Variants in TMEM17 observed in about 807,000 individuals in gnomAD.
TMEM17 encodes transmembrane protein 17.
A neutral mutation model predicts 19.1 loss-of-function variants in TMEM17; 15 were observed. That is an observed-to-expected ratio of 0.78 (90% CI 0.52 to 1.21). The LOEUF (loss-of-function observed/expected upper bound fraction) is 1.21, where lower values mean the gene tolerates loss of function less well. TMEM17 is among the 50% of genes most tolerant of loss of function. The pLI is 0.00. For missense variants in TMEM17, 245 were observed against 242.3 expected (o/e 1.01, Z -0.07); for synonymous variants, 103 against 86.9 (o/e 1.19, Z -1.03).
At chr2:62,462,065 G>C in the TMEM17 span, among the ~76,000 whole-genome samples, 1 of 152,206 alleles carries the variant, frequency 6.6e-6, no homozygotes, top group Non-Finnish European at 1.5e-5. Context: ...CTGTTTCTCA[G>C]TGTTTTCAGC....
chr2:62,469,658 C>A, the TMEM17 span, among the ~76,000 whole-genome samples: 2 of 152,218 alleles, frequency 1.3e-5, no homozygotes, highest in Admixed American at 6.5e-5. Context: ...TGAAGACTAT[C>A]TGGCTGTTCT....
At chr2:62,485,964 C>T in the TMEM17 span, among the ~76,000 whole-genome samples, 2 of 152,034 alleles carry the variant, frequency 1.3e-5, no homozygotes, top group Non-Finnish European at 2.9e-5. Context: ...AAAAACTGTG[C>T]TTTTTTTTCC....
chr2:62,503,148 A>G (rs1342649397), intron 1 of TMEM17, among the ~76,000 whole-genome samples: 2 of 152,258 alleles, frequency 1.3e-5, no homozygotes, highest in Non-Finnish European at 2.9e-5. Flanking sequence ...TGTAAATAGC[A>G]TATAAAATTA....
At chr2:62,501,640 T>C (rs1487025498) in intron 3 of TMEM17, 153 bp from the exon 4 acceptor site, 2 of 734,358 alleles carry the variant, frequency 2.7e-6, no homozygotes, top group East Asian at 5.4e-5. Context: ...CTCAGAGAAC[T>C]TACAGTCTAG....
At chr2:62,470,111 T>C in the TMEM17 span, among the ~76,000 whole-genome samples, 1 of 152,234 alleles carries the variant, frequency 6.6e-6, no homozygotes, top group Non-Finnish European at 1.5e-5. Flanking sequence ...CACCCATTAG[T>C]TGGTTTGTTT....
chr2:62,482,732 A>C, the TMEM17 span, among the ~76,000 whole-genome samples: 2 of 152,266 alleles, frequency 1.3e-5, no homozygotes, highest in African/African-American at 4.8e-5. Context: ...CATTCTCAAC[A>C]TGTCGAGCAC....
At chr2:62,465,082 CCAGG>C in the TMEM17 span, among the ~76,000 whole-genome samples, 9 of 152,124 alleles carry the variant, frequency 5.9e-5, no homozygotes, top group African/African-American at 1.9e-4. Context: ...AGTCTAGTCC[CCAGG>C]CAGGGAGGGG....
chr2:62,485,572 C>T, the TMEM17 span, among the ~76,000 whole-genome samples: 1 of 152,150 alleles, frequency 6.6e-6, no homozygotes, highest in Non-Finnish European at 1.5e-5. Context: ...TTTGACCTTG[C>T]TTTATACAAC....
the TMEM17 span, among the ~76,000 whole-genome samples, chr2:62,484,687 G>A: frequency 1.6e-4 from 25 of 152,046 alleles, no homozygotes; most frequent in African/African-American, 5.1e-4. Flanking sequence ...GACCCTTTAC[G>A]TTATGTAAAC....
chr2:62,482,554 C>T, the TMEM17 span, among the ~76,000 whole-genome samples: 6 of 152,178 alleles, frequency 3.9e-5, no homozygotes. Flanking sequence ...TGTATCCAGG[C>T]TTGGTCAGTC....
Position 62,502,563 on chromosome 2 carries a change from C to A in TMEM17, c.205-13G>T, listed in dbSNP as rs1354193004. On this transcript the variant is annotated splice_polypyrimidine_tract_variant and intron_variant, in intron 2 of 3. Coordinates refer to ENST00000335390, the MANE Select transcript of TMEM17 (RefSeq NM_198276.3). Reference sequence around the variant, plus strand: ...GTAAGATTGAATACTAAAAGAAAAGCCAAAACATGTTTGTAAAATCTCATG... The same window carrying A: ...GTAAGATTGAATACTAAAAGAAAAGACAAAACATGTTTGTAAAATCTCATG... The A allele has an allele frequency of 1.3e-6, 2 of 1,546,244 alleles. No homozygotes were observed. The highest frequency in any genetic ancestry group is 1.9e-5 in the Admixed American group (1 of 53,352).
chr2:62,472,860 A>G, the TMEM17 span, among the ~76,000 whole-genome samples: 2 of 152,236 alleles, frequency 1.3e-5, no homozygotes, highest in African/African-American at 4.8e-5. Context: ...AACACATTCA[A>G]AACAATTAGA....
At chr2:62,488,504 A>C in the TMEM17 span, among the ~76,000 whole-genome samples, 3 of 151,884 alleles carry the variant, frequency 2.0e-5, no homozygotes, top group African/African-American at 4.8e-5. Flanking sequence ...AAAAAAAAAA[A>C]AAAAACTTAG....
chr2:62,491,643 T>C, the TMEM17 span, among the ~76,000 whole-genome samples: 3 of 152,190 alleles, frequency 2.0e-5, no homozygotes, highest in East Asian at 3.8e-4. Flanking sequence ...GTTTTTCTCA[T>C]TTTCAAAATG....
the TMEM17 span, among the ~76,000 whole-genome samples, chr2:62,470,037 A>G: frequency 6.6e-6 from 1 of 152,138 alleles, no homozygotes; most frequent in Non-Finnish European, 1.5e-5. Context: ...CTGGCCCCTA[A>G]AGAAAAGTTC....
At chr2:62,457,711 G>C in the TMEM17 span, among the ~76,000 whole-genome samples, 3 of 152,188 alleles carry the variant, frequency 2.0e-5, no homozygotes, top group African/African-American at 7.2e-5. This position sits in a 1 kb window ranked among gnomAD's most constrained non-coding sequence, Gnocchi z 4.2. Flanking sequence ...GCTGCAGCAA[G>C]CTTTTGCTGC....
chr2:62,466,648 C>A, the TMEM17 span, among the ~76,000 whole-genome samples: 1 of 152,192 alleles, frequency 6.6e-6, no homozygotes, highest in Non-Finnish European at 1.5e-5. Context: ...CCTTAGGAAG[C>A]AGCTTATTTG....
At chr2:62,483,599 A>AT in the TMEM17 span, among the ~76,000 whole-genome samples, 6,622 of 134,206 alleles carry the variant, frequency 0.049, 505 homozygotes, top group African/African-American at 0.16. Flanking sequence ...CCCAGGATAC[A>AT]TTTTTTTTTT....
chr2:62,460,458 A>G, the TMEM17 span, among the ~76,000 whole-genome samples: 2 of 152,326 alleles, frequency 1.3e-5, no homozygotes, highest in African/African-American at 4.8e-5. Context: ...TCTCAGGGCC[A>G]TTAGTCACTC....
Sources: gnomAD v4.1 joint callset for allele counts (sites outside exome capture counted in the v4.1 genomes callset) on GRCh38, gnomAD v4.1.1 for gene constraint, Gnocchi (gnomAD v3.1) non-coding constraint, MANE v1.5 for transcripts, NCBI Gene and HGNC (gene_info 2026-07-23, HGNC 2026-07-21) for gene names.